HLTF: variants seen among roughly 807,000 people sequenced by gnomAD.
HLTF encodes the protein helicase like transcription factor, also known as DNA-dependent ATPase/E3 ubiquitin-protein ligase HLTF.
A neutral mutation model predicts 129.4 loss-of-function variants in HLTF; 127 were observed. That is an observed-to-expected ratio of 0.98 (90% CI 0.85 to 1.14). The LOEUF is 1.14. Among genes scored for constraint, HLTF ranks in the 50% most tolerant of loss-of-function variants. The pLI, the probability that HLTF is intolerant of heterozygous loss-of-function variation, is 0.00. For missense variants in HLTF, 1,139 were observed against 1,187.1 expected (o/e 0.96, Z 0.60); for synonymous variants, 332 against 388.8 (o/e 0.85, Z 1.72).
At chr3:149,054,618 C>A (rs1717271475) in intron 14 of HLTF, among the ~76,000 whole-genome samples, 1 of 152,048 alleles carries the variant, frequency 6.6e-6, no homozygotes, top group South Asian at 2.1e-4. Flanking sequence ...GAAAACATAT[C>A]CAGGCTGCAA....
intron 10 of HLTF, among the ~76,000 whole-genome samples, chr3:149,061,096 G>T (rs1576602702): frequency 6.6e-6 from 1 of 151,984 alleles, no homozygotes; most frequent in Non-Finnish European, 1.5e-5. Context: ...TTGAGACAGG[G>T]TCTCACTCTT....
chr3:149,046,493 TC>T (rs1345396271), intron 17 of HLTF, among the ~76,000 whole-genome samples: 1 of 152,160 alleles, frequency 6.6e-6, no homozygotes, highest in Non-Finnish European at 1.5e-5. Flanking sequence ...CATAGTTTAA[TC>T]TTTTTATATC....
chr3:149,073,208 A>G lies in HLTF; in HGVS notation c.627+17T>C. The G allele has an allele frequency of 6.5e-7, 1 of 1,530,912 alleles. No homozygotes were observed. The highest frequency in any genetic ancestry group is 8.9e-7 in the Non-Finnish European group (1 of 1,125,850). 94.8% of individuals were successfully genotyped at this position (1,530,912 alleles called of 1,614,324 possible). A position where few individuals can be genotyped will look rare whatever the true frequency, so the allele number is the denominator to read the frequency against. On this transcript the variant is annotated intron_variant, in intron 5 of 24. Coordinates refer to ENST00000310053, the MANE Select transcript of HLTF (RefSeq NM_003071.4). The stretch of plus-strand genomic sequence containing the variant: ...TTAAAATTCACTTTTAGATTACAAA[A>G]TAAAAGAGAAGCACACCTGTTCAGT...
At chr3:149,080,201 T>C (rs1719752750) in intron 2 of HLTF, among the ~76,000 whole-genome samples, 1 of 152,062 alleles carries the variant, frequency 6.6e-6, no homozygotes. Flanking sequence ...GTAGAGATAA[T>C]GGGAGTGACT....
chr3:149,071,461 T>G lies in HLTF; in HGVS notation c.703-18A>C. 1 of 1,584,682 alleles carries G rather than the reference T, an allele frequency of 6.3e-7. No homozygotes were observed. The highest frequency in any genetic ancestry group is 2.2e-5 in the East Asian group (1 of 44,708). ...TCAATAGCCTATAAATAAAAAGTCA[T>G]AAAGCGAAATACATTAAGCCATTCC... On this transcript the variant is annotated intron_variant, in intron 6 of 24. Coordinates refer to ENST00000310053, the MANE Select transcript of HLTF (RefSeq NM_003071.4).
At chr3:149,064,676 A>T in intron 9 of HLTF, 115 bp downstream of exon 9, 1 of 714,816 alleles carries the variant, frequency 1.4e-6, no homozygotes, top group East Asian at 2.6e-5. Flanking sequence ...GTACAGTACA[A>T]AGCCAAAACT....
At chr3:149,056,710 GAATAA>G (rs1280894253) in intron 13 of HLTF, among the ~76,000 whole-genome samples, 2 of 152,098 alleles carry the variant, frequency 1.3e-5, no homozygotes, top group Non-Finnish European at 2.9e-5. Flanking sequence ...TAACAACAAA[GAATAA>G]AACAGAACAA....
In HLTF at chr3:149,030,992, T is replaced by G. The variant is rs1471766727; in HGVS notation, c.*1228A>C. ...AAATCTGTATCATCAAACATGAAGC[T>G]TCTCTTGTTTGTTAGAGTAATTAAT... is the stretch of plus-strand genomic sequence containing the variant. On this transcript the variant is annotated 3_prime_UTR_variant, in exon 25 of 25. Transcript: ENST00000310053. The G allele has an allele frequency of 1.3e-5, 2 of 152,184 alleles. No homozygotes were observed. The highest frequency in any genetic ancestry group is 4.8e-5 in the African/African-American group (2 of 41,446). The allele number at this position is 152,184 out of a possible 1,614,324, so 9.4% of individuals were successfully genotyped here.
chr3:149,077,858 G>A (rs898485740), intron 2 of HLTF, among the ~76,000 whole-genome samples: 1 of 152,082 alleles, frequency 6.6e-6, no homozygotes, highest in Admixed American at 6.6e-5. Flanking sequence ...AAGAATGTAC[G>A]ATTTATTAGT....
intron 2 of HLTF, among the ~76,000 whole-genome samples, chr3:149,079,244 T>G (rs1288008952): frequency 6.6e-6 from 1 of 151,504 alleles, no homozygotes; most frequent in Non-Finnish European, 1.5e-5. Context: ...AAACCACTAC[T>G]CTACACATAT....
chr3:149,032,692 G>T (rs1408418808), intron 24 of HLTF, among the ~76,000 whole-genome samples: 2 of 152,188 alleles, frequency 1.3e-5, no homozygotes, highest in African/African-American at 4.8e-5. Flanking sequence ...GCCGGGCACG[G>T]TGGCTCACAC....
chr3:149,063,899 CTT>C (rs892330319), intron 9 of HLTF, among the ~76,000 whole-genome samples: 9 of 152,212 alleles, frequency 5.9e-5, no homozygotes, highest in African/African-American at 1.7e-4. Flanking sequence ...CTTGGTAACT[CTT>C]TTTACTAAAC....
intron 23 of HLTF, among the ~76,000 whole-genome samples, chr3:149,036,986 AT>A (rs1715692793): frequency 6.6e-6 from 1 of 152,222 alleles, no homozygotes; most frequent in African/African-American, 2.4e-5. Context: ...TTATTTTGGT[AT>A]TAACCTCTTT....
intron 2 of HLTF, among the ~76,000 whole-genome samples, chr3:149,082,398 G>A (rs1256211330): frequency 6.6e-6 from 1 of 152,200 alleles, no homozygotes; most frequent in Non-Finnish European, 1.5e-5. Flanking sequence ...GGCGGAGCTT[G>A]CAATGAGCCG....
chr3:149,077,858 G>T (rs898485740), intron 2 of HLTF, among the ~76,000 whole-genome samples: 6 of 152,082 alleles, frequency 3.9e-5, no homozygotes, highest in Non-Finnish European at 8.8e-5. Context: ...AAGAATGTAC[G>T]ATTTATTAGT....
At chr3:149,056,476 G>A (rs1023853093) in intron 13 of HLTF, among the ~76,000 whole-genome samples, 1 of 152,098 alleles carries the variant, frequency 6.6e-6, no homozygotes, top group African/African-American at 2.4e-5. Context: ...AATTAAACTG[G>A]AAGGTGAGCA....
intron 5 of HLTF, 112 bp from the exon 6 acceptor site, chr3:149,071,769 A>G: frequency 1.4e-6 from 1 of 712,920 alleles, no homozygotes; most frequent in South Asian, 1.9e-5. Flanking sequence ...CAAACGGGCC[A>G]GGAGTGGTGG....
chr3:149,057,107 CAAAAAA>C (rs56809507), intron 13 of HLTF, among the ~76,000 whole-genome samples: 2 of 27,730 alleles, frequency 7.2e-5, no homozygotes, highest in Admixed American at 4.9e-4. Flanking sequence ...GACTCCGTCT[CAAAAAA>C]AAAAAAAAAA....
At chr3:149,072,798 A>G (rs1373818017) in intron 5 of HLTF, among the ~76,000 whole-genome samples, 1 of 152,108 alleles carries the variant, frequency 6.6e-6, no homozygotes, top group Non-Finnish European at 1.5e-5. Flanking sequence ...TTTTTTTTCA[A>G]AGAAATTCAG....
Sources: gnomAD v4.1 joint callset for allele counts (sites outside exome capture counted in the v4.1 genomes callset) on GRCh38, gnomAD v4.1.1 for gene constraint, MANE v1.5 for transcripts, NCBI Gene and HGNC (gene_info 2026-07-23, HGNC 2026-07-21) for gene names.